GSK3B: variants seen among roughly 807,000 people sequenced by gnomAD.
The protein encoded by GSK3B is glycogen synthase kinase-3 beta.
GSK3B carries 15 observed loss-of-function variants against 56.4 expected under a neutral mutation model. That is an observed-to-expected ratio of 0.27 (90% CI 0.18 to 0.41). The LOEUF (loss-of-function observed/expected upper bound fraction) is 0.41. Ranked by LOEUF, GSK3B falls within the 10% of genes least tolerant of loss-of-function variation. GSK3B has a pLI of 1.00. For synonymous variants in GSK3B, 181 were observed against 188.9 expected, an observed-to-expected ratio of 0.96 and a Z score of 0.34; for missense variants, 300 against 513.4, an observed-to-expected ratio of 0.58 and a Z score of 4.02.
chr3:120,057,841 A>C (rs1312024702), intron 1 of GSK3B, among the ~76,000 whole-genome samples: 2 of 152,058 alleles, frequency 1.3e-5, no homozygotes, highest in Non-Finnish European at 2.9e-5. Context: ...CCATGAAAAC[A>C]CCAATCATTA....
intron 7 of GSK3B, among the ~76,000 whole-genome samples, chr3:119,901,746 C>T (rs1252452716): frequency 6.6e-6 from 1 of 151,832 alleles, no homozygotes; most frequent in Non-Finnish European, 1.5e-5. Context: ...ATTTTGGTGC[C>T]CTCAGATATT....
chr3:120,067,491 A>G (rs149019149), intron 1 of GSK3B, among the ~76,000 whole-genome samples: 2 of 152,346 alleles, frequency 1.3e-5, no homozygotes, highest in African/African-American at 4.8e-5. Context: ...CAAAGCCCTG[A>G]CATAAAACTT....
intron 1 of GSK3B, 96 bp downstream of exon 1, chr3:120,093,251 T>A (rs1314307515): frequency 4.8e-6 from 4 of 830,198 alleles, no homozygotes; most frequent in Non-Finnish European, 8.2e-6. Flanking sequence ...ATTGCCTGTT[T>A]ATCAGGAGGT....
At chr3:119,975,823 C>T (rs1014871701) in intron 2 of GSK3B, among the ~76,000 whole-genome samples, 61 of 152,036 alleles carry the variant, frequency 4.0e-4, no homozygotes, top group African/African-American at 1.4e-3. Context: ...ACCAAGGCAC[C>T]AGTAATATTG....
intron 2 of GSK3B, among the ~76,000 whole-genome samples, chr3:119,964,086 A>C (rs1490466526): frequency 6.6e-6 from 1 of 152,224 alleles, no homozygotes; most frequent in Non-Finnish European, 1.5e-5. Flanking sequence ...GGAATGGAAG[A>C]AAATATTTGC....
At chr3:119,847,610 T>C in intron 9 of GSK3B, among the ~76,000 whole-genome samples, 1 of 152,188 alleles carries the variant, frequency 6.6e-6, no homozygotes, top group South Asian at 2.1e-4. Context: ...ACAGAAGTAC[T>C]GTGATATATA....
At chr3:119,951,545 T>C (rs1490244008) in intron 2 of GSK3B, among the ~76,000 whole-genome samples, 2 of 152,124 alleles carry the variant, frequency 1.3e-5, no homozygotes, top group Non-Finnish European at 2.9e-5. Flanking sequence ...CACTCCAGCC[T>C]AGAAAACAAG....
chr3:119,861,658 C>T lies in GSK3B; in HGVS notation c.1096+1761G>A, dbSNP rs1038140179. 1.1e-4 allele frequency among the ~76,000 whole-genome samples: 16 copies of T among 152,146 alleles called. No homozygotes were observed. In the East Asian group the frequency reaches 1.5e-3, roughly 15 times the overall value. ...AGTAACAATAGCGATTTACAAAGACCGTGAGAAAGTACTACTTTGTGATCA... is the reference window on the plus strand; with the variant it reads ...AGTAACAATAGCGATTTACAAAGACTGTGAGAAAGTACTACTTTGTGATCA... On this transcript the variant is annotated intron_variant, in intron 9 of 10. Transcript: ENST00000264235.
At chr3:119,922,520 CTAT>C (rs539174362) in intron 4 of GSK3B, among the ~76,000 whole-genome samples, 49 of 146,790 alleles carry the variant, frequency 3.3e-4, no homozygotes, top group Middle Eastern at 3.6e-3. Context: ...TGAAGAACTT[CTAT>C]TATTATTATT....
In GSK3B at chr3:119,923,313, G is replaced by A. The variant is rs2056861238; in HGVS notation, c.477+60C>T. On this transcript the variant is annotated intron_variant, in intron 4 of 10. Transcript: ENST00000264235. ...ATAATATAGTTAAAACATAAAAGAG[G>A]CTCTCCTTGGTTCATAAAAAATGTT... The A allele has an allele frequency of 1.4e-5, 11 of 794,932 alleles. No individual in the cohort carries two copies. The Admixed American group carries it at 2.4e-4, about 17-fold the overall frequency. The allele number at this position is 794,932 out of a possible 1,614,324, so 49.2% of individuals were successfully genotyped here.
At position 119,969,240 on chromosome 3, in the gene GSK3B, C is replaced by T. The variant is rs1235998803; in HGVS notation, c.283-21889G>A. Among the ~76,000 whole-genome samples the T allele has an allele frequency of 2.0e-5, 3 of 150,538 alleles. No homozygotes were observed. The East Asian group carries it at 5.8e-4, about 29-fold the overall frequency. On this transcript the variant is annotated intron_variant, in intron 2 of 10. Transcript: ENST00000264235. The stretch of plus-strand genomic sequence containing the variant: ...CCAGGAGGCGGAGGTTACAGTGAGC[C>T]GAGATTGCGCCAACGTACTCCAGCC...
intron 2 of GSK3B, among the ~76,000 whole-genome samples, chr3:119,983,950 T>C (rs1262897704): frequency 1.3e-5 from 2 of 152,140 alleles, no homozygotes; most frequent in East Asian, 1.9e-4. Context: ...GACCACATAA[T>C]TGGAAGTAAA....
intron 1 of GSK3B, chr3:120,041,530 C>A: frequency 9.4e-6 from 2 of 213,226 alleles, no homozygotes; most frequent in South Asian, 8.1e-5. Context: ...TCTTTAGAGT[C>A]ACTTATATTA....
At chr3:120,087,307 A>C (rs2058471122) in intron 1 of GSK3B, among the ~76,000 whole-genome samples, 1 of 152,136 alleles carries the variant, frequency 6.6e-6, no homozygotes, top group Non-Finnish European at 1.5e-5. Flanking sequence ...CCGAGGTGGG[A>C]AGATCACAAG....
intron 1 of GSK3B, among the ~76,000 whole-genome samples, chr3:120,022,713 T>C (rs2057890033): frequency 6.6e-6 from 1 of 152,192 alleles, no homozygotes; most frequent in South Asian, 2.1e-4. Flanking sequence ...CACAAAGCAG[T>C]CCACTTAGCA....
rs556887955 is a variant in GSK3B at position 120,036,925 on chromosome 3, CCAAA to C, written c.89-34690_89-34687del. On this transcript the variant is annotated intron_variant, in intron 1 of 10. Transcript: ENST00000264235. Reference sequence around the variant, plus strand: ...CAATGTCAGACAAATTTACAAGTTCCCAAACATAGAAATAAAATTAATGTCAACA... The same window carrying C: ...CAATGTCAGACAAATTTACAAGTTCCCATAGAAATAAAATTAATGTCAACA... 1.6e-3 allele frequency among the ~76,000 whole-genome samples: 245 copies of C among 152,022 alleles called. 3 individuals are homozygous for C. Among genetic ancestry groups the C allele is most frequent in the Non-Finnish European group, 2.8e-3 (192 of 67,976 alleles).
At chr3:120,054,783 A>C (rs1185982263) in intron 1 of GSK3B, among the ~76,000 whole-genome samples, 5 of 152,206 alleles carry the variant, frequency 3.3e-5, no homozygotes, top group African/African-American at 1.2e-4. Context: ...AGGCCCCTCA[A>C]ACTAACATGC....
chr3:120,063,470 T>C (rs2058254455), intron 1 of GSK3B, among the ~76,000 whole-genome samples: 1 of 152,170 alleles, frequency 6.6e-6, no homozygotes, highest in Non-Finnish European at 1.5e-5. Flanking sequence ...CTCACACCTG[T>C]AATCCCAGCA....
intron 10 of GSK3B, among the ~76,000 whole-genome samples, chr3:119,840,769 T>C (rs550953499): frequency 3.6e-4 from 55 of 152,044 alleles, no homozygotes; most frequent in African/African-American, 1.2e-3. Flanking sequence ...AGGGGAACTT[T>C]AAAAAAAAGT....
Sources: gnomAD v4.1 joint callset for allele counts (sites outside exome capture counted in the v4.1 genomes callset) on GRCh38, gnomAD v4.1.1 for gene constraint, MANE v1.5 for transcripts, NCBI Gene and HGNC (gene_info 2026-07-23, HGNC 2026-07-21) for gene names.